Variants in ZC3H11A observed in about 807,000 individuals in gnomAD.
ZC3H11A encodes the protein zinc finger CCCH-type containing 11A, also known as zinc finger CCCH domain-containing protein 11A.
ZC3H11A carries 22 observed loss-of-function variants against 90.8 expected under a neutral mutation model. The ratio of observed to expected loss-of-function variants is 0.24; its 90% CI spans 0.17 to 0.35. The LOEUF (loss-of-function observed/expected upper bound fraction) is 0.35. Ranked by LOEUF, ZC3H11A falls within the 10% of genes least tolerant of loss-of-function variation. ZC3H11A has a pLI of 1.00. For synonymous variants in ZC3H11A, 294 were observed against 339.8 expected, an observed-to-expected ratio of 0.87 and a Z score of 1.48; for missense variants, 701 against 964.9, an observed-to-expected ratio of 0.73 and a Z score of 3.62.
intron 12 of ZC3H11A, among the ~76,000 whole-genome samples, chr1:203,846,116 A>C (rs899568586): frequency 2.0e-4 from 20 of 99,522 alleles, no homozygotes; most frequent in Non-Finnish European, 2.8e-4. Context: ...CGTCTTTACC[A>C]AAAAAAAAAA....
intron 2 of ZC3H11A, among the ~76,000 whole-genome samples, chr1:203,811,143 CA>C (rs535589700): frequency 0.27 from 20,115 of 73,566 alleles, 1,490 homozygotes; most frequent in East Asian, 0.5. Flanking sequence ...AACTCTGTCA[CA>C]AAAAAAAAAA....
Position 203,850,615 on chromosome 1 carries a change from T to C in ZC3H11A, c.2040T>C (p.Ile680=). 6.2e-7 allele frequency: 1 copy of C among 1,614,136 alleles called. No individual in the cohort carries two copies. Among genetic ancestry groups the C allele is most frequent in the Non-Finnish European group, 8.5e-7 (1 of 1,180,018 alleles). The change falls in exon 16 of 18, where the codon ATT becomes ATC. Residue 680 remains isoleucine, a synonymous_variant. Transcript: ENST00000367210. The part of the protein sequence containing the change: ...RKAVEMHAAV[I]AAVKPLSSSS... ...CAGTGGAGATGCACGCTGCTGTCAT[T>C]GCCGCTGTGAAGCCACTCAGCTCCA... is the stretch of plus-strand genomic sequence containing the variant.
At chr1:203,812,651 G>T (rs1034789652) in intron 2 of ZC3H11A, among the ~76,000 whole-genome samples, 1 of 137,176 alleles carries the variant, frequency 7.3e-6, no homozygotes, top group Non-Finnish European at 1.5e-5. Flanking sequence ...GCATGATCTC[G>T]GCTCACTGCA....
intron 9 of ZC3H11A, 102 bp from the exon 10 acceptor site, chr1:203,833,689 G>A: frequency 1.3e-6 from 1 of 798,456 alleles, no homozygotes; most frequent in Non-Finnish European, 1.8e-6. Flanking sequence ...GACTTTCTGG[G>A]TGGATTTACA....
At chr1:203,800,301 C>A in intron 1 of ZC3H11A, 1 of 913,520 alleles carries the variant, frequency 1.1e-6, no homozygotes, top group Non-Finnish European at 1.7e-6. Flanking sequence ...CCACTTTCAT[C>A]CAAAACAGAT....
intron 1 of ZC3H11A, chr1:203,799,870 C>G (rs1437461404): frequency 6.5e-7 from 1 of 1,535,272 alleles, no homozygotes; most frequent in African/African-American, 1.4e-5. Context: ...GACTTTTTTC[C>G]TCAAGGTGCT....
rs201856552 is a variant in ZC3H11A at position 203,833,859 on chromosome 1, A to G, written c.874+6A>G. The stretch of plus-strand genomic sequence containing the variant: ...GAAACGAAAATTTTCAGCAGGTAAG[A>G]TAAGTTTTGTGTATATCTTTTCTTT... On this transcript the variant is annotated splice_donor_region_variant and intron_variant, in intron 10 of 17. Transcript: ENST00000367210. 6.2e-7 allele frequency: 1 copy of G among 1,608,562 alleles called. No homozygotes were observed. Among genetic ancestry groups the G allele is most frequent in the Non-Finnish European group, 8.5e-7 (1 of 1,177,588 alleles).
chr1:203,837,587 G>A (rs181201448), intron 10 of ZC3H11A, among the ~76,000 whole-genome samples: 1 of 151,712 alleles, frequency 6.6e-6, no homozygotes, highest in East Asian at 1.9e-4. Flanking sequence ...TGATCCTTCT[G>A]CTTCAGCCTC....
In ZC3H11A at chr1:203,853,350, A is replaced by G. The variant is rs1389121866; in HGVS notation, c.*951A>G. ...TTATTCAAGCTGCCAATATTTATCTATGGGCTGTAGCAGTACACTGAATTG... is the reference window on the plus strand; with the variant it reads ...TTATTCAAGCTGCCAATATTTATCTGTGGGCTGTAGCAGTACACTGAATTG... On this transcript the variant is annotated 3_prime_UTR_variant, in exon 18 of 18. Coordinates refer to ENST00000367210, the MANE Select transcript of ZC3H11A (RefSeq NM_001376342.1). 2 of 152,558 alleles carry G rather than the reference A, an allele frequency of 1.3e-5. No individual in the cohort carries two copies. Among genetic ancestry groups the G allele is most frequent in the East Asian group, 1.9e-4 (1 of 5,188 alleles). 9.5% of individuals were successfully genotyped at this position (152,558 alleles called of 1,614,324 possible).
At chr1:203,830,250 GA>G in intron 8 of ZC3H11A, 47 bp downstream of exon 8, 1 of 1,433,196 alleles carries the variant, frequency 7.0e-7, no homozygotes, top group East Asian at 2.3e-5. Flanking sequence ...TGCTAGGGAA[GA>G]ATACTAAGGA....
At chr1:203,827,402 C>T (rs554901837) in intron 4 of ZC3H11A, among the ~76,000 whole-genome samples, 2 of 149,974 alleles carry the variant, frequency 1.3e-5, no homozygotes, top group African/African-American at 2.4e-5. Flanking sequence ...GGTGACTGGC[C>T]GGGTGCGGTG....
At chr1:203,835,019 C>A (rs1172993843) in intron 10 of ZC3H11A, among the ~76,000 whole-genome samples, 1 of 152,168 alleles carries the variant, frequency 6.6e-6, no homozygotes, top group African/African-American at 2.4e-5. Context: ...AAAAAGGAAA[C>A]CTTATCTATC....
At chr1:203,818,499 C>A in intron 3 of ZC3H11A, 71 bp from the exon 4 acceptor site, 4 of 1,595,806 alleles carry the variant, frequency 2.5e-6, no homozygotes, top group Non-Finnish European at 3.4e-6. Context: ...ATTCCAGGAG[C>A]TCTTGTTATG....
In ZC3H11A at chr1:203,853,075, G is replaced by C. The variant is rs1689605580; in HGVS notation, c.*676G>C. ...TTTAAAAGGCTTTAAAGTGCCTCAGGGGTCCCCTGAAACTAATTTTCTATT... is the reference window on the plus strand; with the variant it reads ...TTTAAAAGGCTTTAAAGTGCCTCAGCGGTCCCCTGAAACTAATTTTCTATT... On this transcript the variant is annotated 3_prime_UTR_variant, in exon 18 of 18. Transcript: ENST00000367210. 1 of 151,784 alleles carries C rather than the reference G, an allele frequency of 6.6e-6. No individual in the cohort carries two copies. Among genetic ancestry groups the C allele is most frequent in the African/African-American group, 2.4e-5 (1 of 41,300 alleles). 9.4% of individuals were successfully genotyped at this position (151,784 alleles called of 1,614,324 possible). A position where few individuals can be genotyped will look rare whatever the true frequency, so the allele number is the denominator to read the frequency against.
Position 203,840,164 on chromosome 1 carries a change from C to A in ZC3H11A, c.974-142C>A, listed in dbSNP as rs1685654437. 4 of 734,780 alleles carry A rather than the reference C, an allele frequency of 5.4e-6. No individual in the cohort carries two copies. The South Asian group carries it at 7.5e-5, about 14-fold the overall frequency. 45.5% of individuals were successfully genotyped at this position (734,780 alleles called of 1,614,324 possible). A position where few individuals can be genotyped will look rare whatever the true frequency, so the allele number is the denominator to read the frequency against. On this transcript the variant is annotated intron_variant, in intron 11 of 17. Transcript: ENST00000367210. ...ATGTTGGCCAGGCTGGCCTTGAAGT[C>A]CTGACCTCAAGTGATCAGCCTGCCT...
Position 203,852,226 on chromosome 1 carries a change from A to T in ZC3H11A, c.2260A>T (p.Thr754Ser). ...TTCCTCATCCCAAATGAGCATGAAAACTCGCCGACTCAGCTCTGCCTCAAC... is the reference window on the plus strand; with the variant it reads ...TTCCTCATCCCAAATGAGCATGAAATCTCGCCGACTCAGCTCTGCCTCAAC... ...GPSSSQMSMK[T>S]RRLSSASTGK... is the part of the protein sequence containing the mutation. Residue 754 changes from threonine to serine, a missense_variant, in exon 18 of 18, where the codon ACT (threonine) becomes TCT (serine). Physicochemically the swap from Thr to Ser is moderately conservative, Grantham distance 58. Transcript: ENST00000367210. 6.2e-7 allele frequency: 1 copy of T among 1,612,652 alleles called. No homozygotes were observed. Among genetic ancestry groups the T allele is most frequent in the Non-Finnish European group, 8.5e-7 (1 of 1,179,592 alleles).
At chr1:203,848,988 G>A (rs529632235) in intron 14 of ZC3H11A, among the ~76,000 whole-genome samples, 6 of 152,242 alleles carry the variant, frequency 3.9e-5, no homozygotes, top group African/African-American at 1.4e-4. Flanking sequence ...GGGTTCAAGC[G>A]ATTCTTGTGC....
intron 1 of ZC3H11A, chr1:203,801,304 ATACT>A (rs920194959): frequency 6.6e-6 from 1 of 152,182 alleles, no homozygotes; most frequent in Non-Finnish European, 1.5e-5. Context: ...TTTTAAAAAC[ATACT>A]TAATGACCCA....
At chr1:203,804,747 A>G (rs1260303533) in intron 2 of ZC3H11A, among the ~76,000 whole-genome samples, 4 of 145,282 alleles carry the variant, frequency 2.8e-5, no homozygotes, top group Non-Finnish European at 6.0e-5. Flanking sequence ...GTCTTGGCTC[A>G]TTGCAACCTC....
Sources: allele counts gnomAD v4.1 joint callset (sites outside exome capture counted in the v4.1 genomes callset), GRCh38; gene constraint gnomAD v4.1.1; transcripts MANE v1.5; gene names NCBI Gene and HGNC (gene_info 2026-07-23, HGNC 2026-07-21).